CACNG2: variants seen among roughly 807,000 people sequenced by gnomAD.
The protein encoded by CACNG2 is voltage-dependent calcium channel gamma-2 subunit.
Under a neutral mutation model 25.9 loss-of-function variants are expected in CACNG2, and 3 were observed. The observed-to-expected ratio is 0.12, with a 90% CI of 0.05 to 0.30. The LOEUF is 0.30. CACNG2 is among the 10% of genes least tolerant of loss of function. The probability of loss-of-function intolerance (pLI) is 1.00; values close to 1 mark genes in which losing one functional copy is unlikely to be tolerated. For synonymous variants in CACNG2, 167 were observed against 173.3 expected, an observed-to-expected ratio of 0.96 and a Z score of 0.29; for missense variants, 341 against 432.5, an observed-to-expected ratio of 0.79 and a Z score of 1.88.
intron 1 of CACNG2, among the ~76,000 whole-genome samples, chr22:36,669,485 A>C (rs915672749): frequency 1.5e-5 from 2 of 134,598 alleles, no homozygotes; most frequent in Admixed American, 7.8e-5. Context: ...TCAGCTTAGG[A>C]GACAAGAGTG....
At chr22:36,698,519 G>A (rs1269780476) in intron 1 of CACNG2, among the ~76,000 whole-genome samples, 1 of 152,152 alleles carries the variant, frequency 6.6e-6, no homozygotes, top group Non-Finnish European at 1.5e-5. Flanking sequence ...AGCCGAGCGT[G>A]GAGCACTGTA....
At position 36,676,711 on chromosome 22, in the gene CACNG2, G is replaced by C. The variant is rs1937024762; in HGVS notation, c.211+25655C>G. 2.0e-5 allele frequency among the ~76,000 whole-genome samples: 3 copies of C among 152,218 alleles called. No homozygotes were observed. The South Asian group carries it at 6.2e-4, about 31-fold the overall frequency. On this transcript the variant is annotated intron_variant, in intron 1 of 3. Transcript: ENST00000300105. The stretch of plus-strand genomic sequence containing the variant: ...TTCGTCTGTTTTACAGAGGTTTAGA[G>C]AGGTTAAGGGCCTTGACCAAGGTCA...
At chr22:36,595,411 C>T (rs1053152970) in intron 1 of CACNG2, among the ~76,000 whole-genome samples, 2 of 152,212 alleles carry the variant, frequency 1.3e-5, no homozygotes, top group African/African-American at 4.8e-5. Flanking sequence ...TGTATTCACA[C>T]CATGGGAACC....
intron 1 of CACNG2, among the ~76,000 whole-genome samples, chr22:36,630,820 C>G (rs1936256342): frequency 6.6e-6 from 1 of 151,978 alleles, no homozygotes; most frequent in Admixed American, 6.6e-5. Context: ...GAGATGTGGA[C>G]AGATTCTTGA....
intron 1 of CACNG2, among the ~76,000 whole-genome samples, chr22:36,595,106 T>C (rs1338085914): frequency 1.3e-5 from 2 of 151,168 alleles, no homozygotes; most frequent in African/African-American, 2.4e-5. Context: ...TCTGTGTGCA[T>C]GGGTGTGTGT....
chr22:36,607,120 A>G (rs1255484294), intron 1 of CACNG2, among the ~76,000 whole-genome samples: 1 of 152,086 alleles, frequency 6.6e-6, no homozygotes, highest in Non-Finnish European at 1.5e-5. Flanking sequence ...GAGTGGGGAA[A>G]GGACTGGAGG....
intron 1 of CACNG2, among the ~76,000 whole-genome samples, chr22:36,636,032 C>T (rs2145962270): frequency 6.6e-6 from 1 of 152,300 alleles, no homozygotes; most frequent in Non-Finnish European, 1.5e-5. Context: ...ACCTCTGAGG[C>T]TTTTCTCCAG....
intron 2 of CACNG2, among the ~76,000 whole-genome samples, chr22:36,573,336 T>C (rs1404986354): frequency 6.6e-6 from 1 of 152,104 alleles, no homozygotes; most frequent in Non-Finnish European, 1.5e-5. Context: ...TTAATTATTA[T>C]TATTATTTTT....
Position 36,673,941 on chromosome 22 carries a change from G to A in CACNG2, c.211+28425C>T, listed in dbSNP as rs76415367. The stretch of plus-strand genomic sequence containing the variant: ...TGGGGACGTGCCTTTAATTGAGGGC[G>A]GCCGGGGTGATTTGGTAACGGGGTC... On this transcript the variant is annotated intron_variant, in intron 1 of 3. Coordinates refer to ENST00000300105, the MANE Select transcript of CACNG2 (RefSeq NM_006078.5). 7.7e-3 allele frequency among the ~76,000 whole-genome samples: 1,172 copies of A among 152,314 alleles called. 13 individuals are homozygous for A. Among genetic ancestry groups the A allele is most frequent in the African/African-American group, 0.027 (1,131 of 41,560 alleles).
chr22:36,665,758 T>G, intron 1 of CACNG2, among the ~76,000 whole-genome samples: 1 of 152,086 alleles, frequency 6.6e-6, no homozygotes, highest in East Asian at 1.9e-4. Context: ...CAAGTGTTGG[T>G]GAGAATGTGG....
intron 1 of CACNG2, among the ~76,000 whole-genome samples, chr22:36,651,560 G>A (rs1007152925): frequency 6.6e-6 from 1 of 152,100 alleles, no homozygotes; most frequent in Non-Finnish European, 1.5e-5. Context: ...GGTGCTCCAT[G>A]AGTTCATTTT....
intron 1 of CACNG2, among the ~76,000 whole-genome samples, chr22:36,627,301 T>TGG: frequency 6.6e-6 from 1 of 151,354 alleles, no homozygotes; most frequent in Non-Finnish European, 1.5e-5. Context: ...TGTGTGTGTG[T>TGG]GTGTGTGTGT....
chr22:36,614,041 C>T (rs911278783), intron 1 of CACNG2, among the ~76,000 whole-genome samples: 3 of 152,164 alleles, frequency 2.0e-5, no homozygotes, highest in South Asian at 2.1e-4. Context: ...TGATTACTTC[C>T]ACTCTGTAGT....
chr22:36,694,651 A>G (rs1017021914), intron 1 of CACNG2, among the ~76,000 whole-genome samples: 12 of 152,126 alleles, frequency 7.9e-5, no homozygotes, highest in Admixed American at 1.3e-4. Flanking sequence ...AATGTTTAGG[A>G]TGAAACAGAG....
rs560466376 is a variant in CACNG2, at chr22:36,578,190, C to T, written c.295+9275G>A. ...CAACCTGGCCAACATGGTGAAACCCCGTCTCTACTAAAAAAAAATACAAAA... is the reference window on the plus strand; with the variant it reads ...CAACCTGGCCAACATGGTGAAACCCTGTCTCTACTAAAAAAAAATACAAAA... On this transcript the variant is annotated intron_variant, in intron 2 of 3. Coordinates refer to ENST00000300105, the MANE Select transcript of CACNG2 (RefSeq NM_006078.5). Among the ~76,000 whole-genome samples the T allele has an allele frequency of 7.9e-5, 12 of 151,812 alleles. No individual in the cohort carries two copies. The East Asian group carries it at 1.7e-3, about 22-fold the overall frequency.
intron 1 of CACNG2, among the ~76,000 whole-genome samples, chr22:36,647,721 C>T (rs946075723): frequency 3.3e-5 from 5 of 152,224 alleles, no homozygotes; most frequent in Non-Finnish European, 7.3e-5. Flanking sequence ...ACCCTGTTGC[C>T]TCTGGCTGGA....
chr22:36,703,238 AGCG>A lies in CACNG2; in HGVS notation c.-665_-663del, dbSNP rs538190446. 258 of 153,910 alleles carry A rather than the reference AGCG, an allele frequency of 1.7e-3. No individual in the cohort carries two copies. The highest frequency in any genetic ancestry group is 6.3e-3 in the Middle Eastern group (2 of 318). The allele number at this position is 153,910 out of a possible 1,614,324, so 9.5% of individuals were successfully genotyped here. ...TCGCTTTCCATGGTTTTGCCCGGGC[AGCG>A]GCGGCGGCGGCGGCGGCGGCGGCAG... On this transcript the variant is annotated 5_prime_UTR_variant, in exon 1 of 4. Transcript: ENST00000300105.
intron 1 of CACNG2, among the ~76,000 whole-genome samples, chr22:36,677,185 C>G (rs1479906708): frequency 1.3e-5 from 2 of 151,930 alleles, no homozygotes; most frequent in African/African-American, 4.8e-5. Flanking sequence ...TTTTGTCCCC[C>G]TCTCTCTTCA....
chr22:36,618,548 A>G (rs1215148881), intron 1 of CACNG2, among the ~76,000 whole-genome samples: 1 of 152,222 alleles, frequency 6.6e-6, no homozygotes, highest in Non-Finnish European at 1.5e-5. Context: ...ATGATATTGG[A>G]TGTGGCTGCT....
Sources: gnomAD v4.1 joint callset for allele counts (sites outside exome capture counted in the v4.1 genomes callset) on GRCh38, gnomAD v4.1.1 for gene constraint, MANE v1.5 for transcripts, NCBI Gene and HGNC (gene_info 2026-07-23, HGNC 2026-07-21) for gene names.